The following ANO2 variants were observed in gnomAD, a reference collection of about 807,000 sequenced individuals.
ANO2 encodes the protein anoctamin-2.
ANO2 carries 101 observed loss-of-function variants against 124.2 expected under a neutral mutation model. The observed-to-expected ratio is 0.81, with a 90% confidence interval of 0.69 to 0.96. The LOEUF (loss-of-function observed/expected upper bound fraction) is 0.96. ANO2 is among the 40% of genes least tolerant of loss of function. ANO2 has a pLI of 0.00. For missense variants in ANO2, 1,293 were observed against 1,274.5 expected, an observed-to-expected ratio of 1.01 and a Z score of -0.22; for synonymous variants, 486 against 482.5, an observed-to-expected ratio of 1.01 and a Z score of -0.09.
At position 5,671,743 on chromosome 12, in the gene ANO2, A is replaced by C. The variant is rs551143152; in HGVS notation, c.1546-23942T>G. ...ACACAGTGCAAATGACAATACTCGA[A>C]AGCCTAGAGATATACTCAGCCATTT... On this transcript the variant is annotated intron_variant, in intron 14 of 24. Coordinates refer to ENST00000682330, the MANE Select transcript of ANO2 (RefSeq NM_001364791.2). 2.4e-3 allele frequency among the ~76,000 whole-genome samples: 373 copies of C among 152,312 alleles called. 3 individuals are homozygous for C. The highest frequency in any genetic ancestry group is 7.9e-3 in the African/African-American group (329 of 41,558).
intron 23 of ANO2, among the ~76,000 whole-genome samples, chr12:5,567,760 G>A (rs772804031): frequency 5.9e-5 from 9 of 152,178 alleles, no homozygotes; most frequent in Non-Finnish European, 8.8e-5. Flanking sequence ...CTCCCTCAGT[G>A]TCTAAAACAT....
intron 3 of ANO2, among the ~76,000 whole-genome samples, chr12:5,861,216 T>C (rs950763531): frequency 2.0e-5 from 3 of 152,160 alleles, no homozygotes; most frequent in Non-Finnish European, 4.4e-5. Flanking sequence ...CCAGGTCTCC[T>C]GGCACCAGCA....
intron 1 of ANO2, among the ~76,000 whole-genome samples, chr12:5,942,994 G>T (rs539078968): frequency 6.6e-6 from 1 of 152,218 alleles, no homozygotes; most frequent in East Asian, 1.9e-4. Context: ...GATGAAAAGG[G>T]AACACTTTAA....
intron 16 of ANO2, among the ~76,000 whole-genome samples, chr12:5,622,313 A>G (rs1269307147): frequency 6.6e-6 from 1 of 152,096 alleles, no homozygotes; most frequent in Non-Finnish European, 1.5e-5. Flanking sequence ...CTTCCTCCAT[A>G]CTGATAAATC....
chr12:5,814,224 T>C (rs1209346404), intron 7 of ANO2, among the ~76,000 whole-genome samples: 1 of 152,214 alleles, frequency 6.6e-6, no homozygotes, highest in Admixed American at 6.5e-5. Context: ...TAATTCCAGG[T>C]TACAACGCCG....
At chr12:5,647,967 T>C (rs763364918) in intron 14 of ANO2, among the ~76,000 whole-genome samples, 166 bp from the exon 15 acceptor site, 5 of 152,194 alleles carry the variant, frequency 3.3e-5, no homozygotes, top group Non-Finnish European at 7.3e-5. Context: ...CCTTCTAATT[T>C]TGTAATTTCT....
At chr12:5,893,216 C>G (rs1160206498) in intron 3 of ANO2, among the ~76,000 whole-genome samples, 1 of 151,978 alleles carries the variant, frequency 6.6e-6, no homozygotes, top group Non-Finnish European at 1.5e-5. Flanking sequence ...AAAGCAAATG[C>G]AACAATAACA....
intron 7 of ANO2, among the ~76,000 whole-genome samples, chr12:5,823,257 T>G (rs1373798223): frequency 6.6e-6 from 1 of 152,156 alleles, no homozygotes; most frequent in Non-Finnish European, 1.5e-5. Flanking sequence ...TTAACTCATT[T>G]CAGAATTAAC....
chr12:5,825,213 C>T (rs1485225508), intron 7 of ANO2, among the ~76,000 whole-genome samples: 1 of 152,160 alleles, frequency 6.6e-6, no homozygotes, highest in African/African-American at 2.4e-5. Context: ...ACTGGTCTTA[C>T]CATGTTCCCC....
intron 10 of ANO2, among the ~76,000 whole-genome samples, chr12:5,764,682 A>T (rs1951828230): frequency 6.6e-6 from 1 of 152,162 alleles, no homozygotes; most frequent in South Asian, 2.1e-4. Context: ...CACTGCCATC[A>T]CCATTCGCCC....
At chr12:5,857,470 A>G (rs1955132804) in intron 3 of ANO2, among the ~76,000 whole-genome samples, 1 of 152,126 alleles carries the variant, frequency 6.6e-6, no homozygotes, top group African/African-American at 2.4e-5. Flanking sequence ...TAATGGCTAT[A>G]CCAATTTACA....
At chr12:5,780,650 A>C (rs568289513) in intron 10 of ANO2, among the ~76,000 whole-genome samples, 1 of 152,194 alleles carries the variant, frequency 6.6e-6, no homozygotes, top group African/African-American at 2.4e-5. Flanking sequence ...CAACAACCAC[A>C]GAGAGAGAGT....
intron 1 of ANO2, among the ~76,000 whole-genome samples, chr12:5,942,532 G>T (rs1413266948): frequency 6.6e-6 from 1 of 152,168 alleles, no homozygotes; most frequent in Admixed American, 6.5e-5. Context: ...TTGAATGCCA[G>T]GAACACGTGG....
chr12:5,681,479 T>G (rs1948487688), intron 14 of ANO2, among the ~76,000 whole-genome samples: 1 of 152,092 alleles, frequency 6.6e-6, no homozygotes, highest in Non-Finnish European at 1.5e-5. Context: ...GGAGACAAGG[T>G]CCTTAAGGAG....
intron 1 of ANO2, among the ~76,000 whole-genome samples, chr12:5,927,659 G>A (rs1942145065): frequency 6.6e-6 from 1 of 152,212 alleles, no homozygotes; most frequent in Non-Finnish European, 1.5e-5. Context: ...AGTACAAACA[G>A]CCCATGCTAC....
intron 11 of ANO2, among the ~76,000 whole-genome samples, chr12:5,750,049 GC>G (rs1951390010): frequency 6.6e-6 from 1 of 151,768 alleles, no homozygotes; most frequent in African/African-American, 2.4e-5. Context: ...TCCTGCCTCA[GC>G]CTCCCAATTA....
At chr12:5,857,251 G>A (rs1339925091) in intron 3 of ANO2, among the ~76,000 whole-genome samples, 3 of 152,214 alleles carry the variant, frequency 2.0e-5, no homozygotes, top group African/African-American at 7.2e-5. Context: ...GGCATAGTAG[G>A]GGAGTGGAAG....
chr12:5,668,864 G>C (rs1459077962), intron 14 of ANO2, among the ~76,000 whole-genome samples: 2 of 152,078 alleles, frequency 1.3e-5, no homozygotes, highest in Non-Finnish European at 2.9e-5. Flanking sequence ...GTAGACGTAT[G>C]GTCTTATTTC....
At chr12:5,675,588 G>A (rs756767690) in intron 14 of ANO2, among the ~76,000 whole-genome samples, 19 of 152,140 alleles carry the variant, frequency 1.2e-4, no homozygotes, top group African/African-American at 3.9e-4. Context: ...TTTCGCTGAG[G>A]AGCCACACTT....
Sources: gnomAD v4.1 joint callset for allele counts (sites outside exome capture counted in the v4.1 genomes callset) on GRCh38, gnomAD v4.1.1 for gene constraint, MANE v1.5 for transcripts, NCBI Gene and HGNC (gene_info 2026-07-23, HGNC 2026-07-21) for gene names.